The following GALNT13 variants were observed in gnomAD, a reference collection of about 807,000 sequenced individuals.
The protein encoded by GALNT13 is polypeptide N-acetylgalactosaminyltransferase 13.
In GALNT13, 28 loss-of-function variants were observed where a neutral mutation model predicts 64.2. The ratio of observed to expected loss-of-function variants is 0.44; its 90% CI spans 0.32 to 0.60. The LOEUF (loss-of-function observed/expected upper bound fraction) is 0.60, where lower values mean the gene tolerates loss of function less well. GALNT13 is among the 20% of genes least tolerant of loss of function. GALNT13 has a pLI of 0.05. For missense variants in GALNT13, 577 were observed against 669.8 expected (o/e 0.86, Z 1.53); for synonymous variants, 214 against 224.6 (o/e 0.95, Z 0.42).
intron 4 of GALNT13, among the ~76,000 whole-genome samples, chr2:154,152,806 A>T (rs915304170): frequency 6.6e-6 from 1 of 151,936 alleles, no homozygotes; most frequent in African/African-American, 2.4e-5. Context: ...ACTTCTCTGT[A>T]TTGGTTATTC....
At chr2:153,772,920 T>A in the GALNT13 span, among the ~76,000 whole-genome samples, 51 of 152,278 alleles carry the variant, frequency 3.3e-4, no homozygotes, top group African/African-American at 1.2e-3. Context: ...TGATTTTAGG[T>A]GAGACTGCTC....
At chr2:153,345,707 TTCTC>T in the GALNT13 span, among the ~76,000 whole-genome samples, 2 of 93,904 alleles carry the variant, frequency 2.1e-5, no homozygotes, top group African/African-American at 7.9e-5. Flanking sequence ...TTCTTTCTCT[TTCTC>T]TCTTTCTGTC....
At chr2:153,205,026 G>C in the GALNT13 span, among the ~76,000 whole-genome samples, 4 of 152,216 alleles carry the variant, frequency 2.6e-5, no homozygotes, top group Non-Finnish European at 4.4e-5. Context: ...TTTTTGCTTT[G>C]CTTCAGATTT....
At chr2:153,463,538 C>G in the GALNT13 span, among the ~76,000 whole-genome samples, 1 of 152,078 alleles carries the variant, frequency 6.6e-6, no homozygotes, top group East Asian at 1.9e-4. Flanking sequence ...CTCAATCCCT[C>G]CTCCAACTCC....
At chr2:153,204,406 G>A in the GALNT13 span, among the ~76,000 whole-genome samples, 1 of 152,234 alleles carries the variant, frequency 6.6e-6, no homozygotes, top group Non-Finnish European at 1.5e-5. Context: ...GCACCAAATG[G>A]GCCTTGTATA....
chr2:153,203,869 G>C, the GALNT13 span, among the ~76,000 whole-genome samples: 3 of 104,592 alleles, frequency 2.9e-5, no homozygotes, highest in African/African-American at 6.4e-5. Flanking sequence ...AATATGTAGC[G>C]TGTCTACACA....
the GALNT13 span, among the ~76,000 whole-genome samples, chr2:153,490,283 T>C: frequency 6.6e-6 from 1 of 152,240 alleles, no homozygotes; most frequent in African/African-American, 2.4e-5. Context: ...TATTCATAGA[T>C]AAATATAGAC....
the GALNT13 span, among the ~76,000 whole-genome samples, chr2:153,224,772 A>T: frequency 2.0e-5 from 3 of 152,230 alleles, no homozygotes; most frequent in African/African-American, 7.2e-5. Context: ...ATTCCTTAAA[A>T]TATGCAAACT....
chr2:153,624,846 A>G, the GALNT13 span, among the ~76,000 whole-genome samples: 1 of 150,686 alleles, frequency 6.6e-6, no homozygotes, highest in Non-Finnish European at 1.5e-5. Context: ...GAGTGGCAAA[A>G]CATTTTGTAG....
the GALNT13 span, among the ~76,000 whole-genome samples, chr2:153,297,730 A>G: frequency 6.6e-6 from 1 of 152,202 alleles, no homozygotes; most frequent in Non-Finnish European, 1.5e-5. Flanking sequence ...AGGCTCCACT[A>G]AAGGACTAAA....
At chr2:153,615,014 C>T in the GALNT13 span, among the ~76,000 whole-genome samples, 16 of 152,126 alleles carry the variant, frequency 1.1e-4, no homozygotes, top group South Asian at 4.2e-4. Context: ...TCACCACCTC[C>T]GCAACACCTT....
chr2:154,300,789 A>G (rs1182764615), intron 8 of GALNT13, among the ~76,000 whole-genome samples: 1 of 152,176 alleles, frequency 6.6e-6, no homozygotes, highest in African/African-American at 2.4e-5. Flanking sequence ...AAGGAAGTGA[A>G]TAATTGTAAT....
At chr2:153,745,174 A>G in the GALNT13 span, among the ~76,000 whole-genome samples, 2 of 152,168 alleles carry the variant, frequency 1.3e-5, no homozygotes, top group African/African-American at 2.4e-5. Context: ...TGGAGAGATC[A>G]CTCAAAACAG....
chr2:153,297,486 A>G, the GALNT13 span, among the ~76,000 whole-genome samples: 1 of 152,228 alleles, frequency 6.6e-6, no homozygotes, highest in Non-Finnish European at 1.5e-5. Context: ...TTCAGCACAC[A>G]ACAGGGAGGG....
the GALNT13 span, among the ~76,000 whole-genome samples, chr2:153,586,289 G>A: frequency 6.6e-6 from 1 of 152,142 alleles, no homozygotes; most frequent in Admixed American, 6.6e-5. Flanking sequence ...CCAAATATAT[G>A]CAGCTTACAA....
At chr2:154,437,480 A>G in intron 11 of GALNT13, 1 of 1,185,102 alleles carries the variant, frequency 8.4e-7, no homozygotes, top group Non-Finnish European at 1.1e-6. Flanking sequence ...TGACATTGCA[A>G]GGAGAAAGAA....
chr2:153,093,215 G>A, the GALNT13 span, among the ~76,000 whole-genome samples: 2 of 150,046 alleles, frequency 1.3e-5, no homozygotes, highest in Non-Finnish European at 3.0e-5. Flanking sequence ...TCATGATGAA[G>A]GATCTTTCTT....
At chr2:154,137,145 A>G (rs1574575771) in intron 3 of GALNT13, among the ~76,000 whole-genome samples, 2 of 141,968 alleles carry the variant, frequency 1.4e-5, no homozygotes, top group African/African-American at 5.6e-5. Context: ...TATTTATGCT[A>G]TTTGAAGAAT....
intron 3 of GALNT13, among the ~76,000 whole-genome samples, chr2:153,976,482 T>G (rs1694084855): frequency 6.6e-6 from 1 of 152,148 alleles, no homozygotes; most frequent in South Asian, 2.1e-4. Flanking sequence ...GTTCCTAAAT[T>G]TTCTTCCAAG....
Sources: allele counts gnomAD v4.1 joint callset (sites outside exome capture counted in the v4.1 genomes callset), GRCh38; gene constraint gnomAD v4.1.1; transcripts MANE v1.5; gene names NCBI Gene and HGNC (gene_info 2026-07-23, HGNC 2026-07-21).